Variants in ULK4 observed in about 807,000 individuals in gnomAD.
ULK4 encodes unc-51 like kinase 4, also known as inactive serine/threonine-protein kinase ULK4.
A neutral mutation model predicts 160.6 loss-of-function variants in ULK4; 133 were observed. The ratio of observed to expected loss-of-function variants is 0.83; its 90% CI spans 0.72 to 0.96. The LOEUF is 0.96. ULK4 is among the 40% of genes least tolerant of loss of function. The pLI, the probability that ULK4 is intolerant of heterozygous loss-of-function variation, is 0.00. For synonymous variants in ULK4, 534 were observed against 539.8 expected (o/e 0.99, Z 0.15); for missense variants, 1,580 against 1,499.5 (o/e 1.05, Z -0.89).
intron 20 of ULK4, among the ~76,000 whole-genome samples, chr3:41,799,114 G>C (rs1303315045): frequency 7.9e-5 from 12 of 152,102 alleles, no homozygotes; most frequent in Non-Finnish European, 1.8e-4. Context: ...AGGGCATAAG[G>C]AAAGAACACA....
intron 30 of ULK4, among the ~76,000 whole-genome samples, chr3:41,647,148 G>GA (rs2034533112): frequency 6.6e-6 from 1 of 152,086 alleles, no homozygotes; most frequent in African/African-American, 2.4e-5. Flanking sequence ...ATTTTCTCCT[G>GA]TAGCTCGGAG....
chr3:41,890,896 G>A (rs149317359), intron 16 of ULK4, among the ~76,000 whole-genome samples: 2 of 122 alleles, frequency 0.016, 1 homozygote. Flanking sequence ...AGGAAGGGAC[G>A]GGAGGGGGAA....
At chr3:41,831,200 G>T (rs1013560216) in intron 18 of ULK4, among the ~76,000 whole-genome samples, 1 of 151,554 alleles carries the variant, frequency 6.6e-6, no homozygotes, top group African/African-American at 2.4e-5. Flanking sequence ...GCTAATTTTT[G>T]CAAGTTTTTT....
chr3:41,479,987 C>T lies in ULK4; in HGVS notation c.3227-16734G>A, dbSNP rs1164539445. Among the ~76,000 whole-genome samples the T allele has an allele frequency of 2.6e-5, 4 of 151,948 alleles. No individual in the cohort carries two copies. The East Asian group carries it at 7.7e-4, about 29-fold the overall frequency. On this transcript the variant is annotated intron_variant, in intron 32 of 36. Coordinates refer to ENST00000301831, the MANE Select transcript of ULK4 (RefSeq NM_017886.4). ...CTTTGGGAGGCCAAGGCAGGCGGAT[C>T]GAGAGGTCAGGAGATCAAGACCATC...
chr3:41,791,438 TATGAAA>T (rs762762852), intron 20 of ULK4, among the ~76,000 whole-genome samples: 2 of 152,222 alleles, frequency 1.3e-5, no homozygotes, highest in Non-Finnish European at 2.9e-5. Flanking sequence ...CCTCAATCTT[TATGAAA>T]ATGCTAAGAT....
intron 34 of ULK4, among the ~76,000 whole-genome samples, chr3:41,399,788 T>C (rs2125816435): frequency 1.3e-5 from 2 of 152,164 alleles, no homozygotes; most frequent in Non-Finnish European, 2.9e-5. Context: ...AAATTTTGTG[T>C]AGACGGGTCT....
At chr3:41,803,532 T>A (rs976237212) in intron 19 of ULK4, among the ~76,000 whole-genome samples, 1 of 152,082 alleles carries the variant, frequency 6.6e-6, no homozygotes, top group Non-Finnish European at 1.5e-5. Flanking sequence ...ATGTGCACAA[T>A]GTGCAGGTTA....
At chr3:41,506,784 A>ATATT (rs2085404792) in intron 32 of ULK4, among the ~76,000 whole-genome samples, 1 of 94,028 alleles carries the variant, frequency 1.1e-5, no homozygotes, top group African/African-American at 4.4e-5. Flanking sequence ...ATATATATAT[A>ATATT]TATATATATA....
At chr3:41,510,602 A>G (rs1204622862) in intron 32 of ULK4, among the ~76,000 whole-genome samples, 1 of 152,198 alleles carries the variant, frequency 6.6e-6, no homozygotes, top group Non-Finnish European at 1.5e-5. Context: ...GTCTCAGTAA[A>G]TTTTAAAAAA....
chr3:41,298,316 G>T (rs922749204), intron 35 of ULK4, among the ~76,000 whole-genome samples: 2 of 152,166 alleles, frequency 1.3e-5, no homozygotes, highest in Non-Finnish European at 2.9e-5. Context: ...GAACACATTA[G>T]CTTTTCCTAA....
At chr3:41,272,239 T>C (rs2079149898) in intron 35 of ULK4, among the ~76,000 whole-genome samples, 1 of 152,286 alleles carries the variant, frequency 6.6e-6, no homozygotes, top group South Asian at 2.1e-4. Flanking sequence ...TTGGTATCAT[T>C]TTCCTTCTGC....
At chr3:41,495,562 G>A (rs2084955273) in intron 32 of ULK4, among the ~76,000 whole-genome samples, 1 of 150,944 alleles carries the variant, frequency 6.6e-6, no homozygotes, top group Non-Finnish European at 1.5e-5. Context: ...GGCAACAAAG[G>A]ACAAAATTGA....
Position 41,375,095 on chromosome 3 carries a change from C to T in ULK4, c.3678+22984G>A, listed in dbSNP as rs538472358. Among the ~76,000 whole-genome samples, 10 of 152,206 alleles carry T rather than the reference C, an allele frequency of 6.6e-5. No homozygotes were observed. In the South Asian group the frequency reaches 2.1e-3, roughly 32 times the overall value. ...TTACAAGGGATGTGAAGGACCTCTT[C>T]AAGGAGAACTACAAACCACTGCTCG... On this transcript the variant is annotated intron_variant, in intron 35 of 36. Transcript: ENST00000301831.
intron 21 of ULK4, among the ~76,000 whole-genome samples, chr3:41,771,284 T>C (rs1035035520): frequency 1.3e-5 from 2 of 152,214 alleles, no homozygotes; most frequent in African/African-American, 4.8e-5. Context: ...CAATGAGAGA[T>C]GGAGTTCCTA....
intron 19 of ULK4, among the ~76,000 whole-genome samples, chr3:41,807,668 A>G (rs2040691729): frequency 6.6e-6 from 1 of 152,208 alleles, no homozygotes; most frequent in African/African-American, 2.4e-5. Flanking sequence ...GTTAGCTTTT[A>G]TTCCCATTAT....
chr3:41,918,294 A>T (rs1699043401), intron 7 of ULK4, among the ~76,000 whole-genome samples, 163 bp downstream of exon 7: 1 of 152,208 alleles, frequency 6.6e-6, no homozygotes, highest in Non-Finnish European at 1.5e-5. Flanking sequence ...ATCTTTAAAA[A>T]ATGGCAAAAG....
chr3:41,705,200 C>A (rs373111124), intron 26 of ULK4, 49 bp from the exon 27 acceptor site: 2 of 1,609,488 alleles, frequency 1.2e-6, no homozygotes, highest in African/African-American at 1.3e-5. Context: ...TGTTCTAAAT[C>A]ATAATATCAA....
intron 32 of ULK4, among the ~76,000 whole-genome samples, chr3:41,551,071 A>G: frequency 6.7e-6 from 1 of 148,746 alleles, no homozygotes; most frequent in East Asian, 2.0e-4. Context: ...AAACAAAAAA[A>G]AAGTTACTGA....
intron 18 of ULK4, among the ~76,000 whole-genome samples, chr3:41,831,385 C>T (rs9816772): frequency 0.24 from 35,977 of 147,638 alleles, 5,479 homozygotes; most frequent in African/African-American, 0.44. Flanking sequence ...TATTAAGAAA[C>T]AGCTCCAGTG....
Sources: gnomAD v4.1 joint callset for allele counts (sites outside exome capture counted in the v4.1 genomes callset) on GRCh38, gnomAD v4.1.1 for gene constraint, MANE v1.5 for transcripts, NCBI Gene and HGNC (gene_info 2026-07-23, HGNC 2026-07-21) for gene names.